Variants in SPTBN1 observed in about 807,000 individuals in gnomAD.
SPTBN1 encodes the protein spectrin beta chain, non-erythrocytic 1.
SPTBN1 carries 32 observed loss-of-function variants against 266.4 expected under a neutral mutation model. The ratio of observed to expected loss-of-function variants is 0.12; its 90% CI spans 0.09 to 0.16. The LOEUF (loss-of-function observed/expected upper bound fraction) is 0.16, where lower values mean the gene tolerates loss of function less well. SPTBN1 is among the 10% of genes least tolerant of loss of function. The pLI, the probability that SPTBN1 is intolerant of heterozygous loss-of-function variation, is 1.00. For missense variants in SPTBN1, 2,296 were observed against 3,067.1 expected, an observed-to-expected ratio of 0.75 and a Z score of 5.94; for synonymous variants, 1,336 against 1,162.2, an observed-to-expected ratio of 1.15 and a Z score of -3.04.
intron 8 of SPTBN1, among the ~76,000 whole-genome samples, 158 bp downstream of exon 8, chr2:54,621,670 A>G (rs1045184964): frequency 1.8e-4 from 28 of 152,136 alleles, no homozygotes; most frequent in Non-Finnish European, 7.3e-5. Context: ...AAGGGTAACA[A>G]GAGGTGGGAG....
intron 1 of SPTBN1, among the ~76,000 whole-genome samples, chr2:54,463,682 A>C (rs2103808315): frequency 6.6e-6 from 1 of 152,314 alleles, no homozygotes; most frequent in East Asian, 1.9e-4. Context: ...TAAAATGTGG[A>C]ATTTTTGCTT....
chr2:54,478,634 G>T (rs556531075), intron 1 of SPTBN1, among the ~76,000 whole-genome samples: 2 of 152,272 alleles, frequency 1.3e-5, no homozygotes, highest in African/African-American at 4.8e-5. Flanking sequence ...ACAGATATGT[G>T]GAAGTACTTG....
intron 2 of SPTBN1, among the ~76,000 whole-genome samples, chr2:54,535,830 G>C (rs1400707592): frequency 6.6e-6 from 1 of 152,150 alleles, no homozygotes; most frequent in Non-Finnish European, 1.5e-5. Context: ...TGGCCAACAT[G>C]GTAAAAACCC....
chr2:54,666,141 C>T (rs1181546135), intron 34 of SPTBN1, 53 bp downstream of exon 34: 2 of 1,543,038 alleles, frequency 1.3e-6, no homozygotes, highest in African/African-American at 1.4e-5. Flanking sequence ...TTTACTTCCA[C>T]TCTGGGGTTT....
rs529927356 is a variant in SPTBN1, at chr2:54,656,771, C to A, written c.6046+773C>A. On this transcript the variant is annotated intron_variant, in intron 29 of 35. Transcript: ENST00000356805. ...TTGGGCCCAGAGCCCTCAGAAATCC[C>A]ACTTTTTGACCATTCTTTGCAGGAG... 3.5e-4 allele frequency among the ~76,000 whole-genome samples: 53 copies of A among 152,308 alleles called. No individual in the cohort carries two copies. In the South Asian group the frequency reaches 0.011, roughly 31 times the overall value.
At position 54,646,621 on chromosome 2, in the gene SPTBN1, G is replaced by A. The variant is rs1679943268; in HGVS notation, c.4866+146G>A. 1.1e-6 allele frequency: 1 copy of A among 936,800 alleles called. No homozygotes were observed. Among genetic ancestry groups the A allele is most frequent in the Non-Finnish European group, 1.5e-6 (1 of 685,086 alleles). The allele number at this position is 936,800 out of a possible 1,614,324, so 58.0% of individuals were successfully genotyped here. A position where few individuals can be genotyped will look rare whatever the true frequency, so the allele number is the denominator to read the frequency against. On this transcript the variant is annotated intron_variant, in intron 23 of 35. Transcript: ENST00000356805. The surrounding 1 kb of genome is among the most constrained non-coding windows in gnomAD (Gnocchi z 4.4). ...GGACACCATGTGCATGAAGGTGTCTGAAATCCAGCTGCTGGTTTCCCTTTG... is the reference window on the plus strand; with the variant it reads ...GGACACCATGTGCATGAAGGTGTCTAAAATCCAGCTGCTGGTTTCCCTTTG...
intron 32 of SPTBN1, chr2:54,662,921 C>T (rs990688197): frequency 2.0e-5 from 3 of 152,200 alleles, no homozygotes; most frequent in African/African-American, 7.2e-5. Flanking sequence ...TCCTAATAAT[C>T]CATTTTCCAC....
At chr2:54,666,416 A>G (rs1174900194) in intron 34 of SPTBN1, among the ~76,000 whole-genome samples, 1 of 152,236 alleles carries the variant, frequency 6.6e-6, no homozygotes, top group African/African-American at 2.4e-5. Flanking sequence ...GCTTTGAAAA[A>G]TAGTTTCCCC....
At chr2:54,655,500 G>T (rs891419271) in intron 28 of SPTBN1, among the ~76,000 whole-genome samples, 1 of 152,202 alleles carries the variant, frequency 6.6e-6, no homozygotes, top group African/African-American at 2.4e-5. Flanking sequence ...CTATGCCCTA[G>T]ATCAGTTTGC....
intron 1 of SPTBN1, among the ~76,000 whole-genome samples, chr2:54,462,063 A>T (rs1693395022): frequency 6.6e-6 from 1 of 152,210 alleles, no homozygotes; most frequent in Admixed American, 6.5e-5. Flanking sequence ...TATGGCTACC[A>T]CTAGGTACTG....
chr2:54,526,683 T>G (rs897521905), intron 2 of SPTBN1, 117 bp downstream of exon 2: 73 of 1,282,272 alleles, frequency 5.7e-5, no homozygotes, highest in Admixed American at 8.8e-5. Context: ...CACTTCTATT[T>G]AAATGTGTCC....
chr2:54,634,250 G>C (rs79439975), intron 17 of SPTBN1, among the ~76,000 whole-genome samples: 9,126 of 152,198 alleles, frequency 0.06, 328 homozygotes, highest in Admixed American at 0.1. Flanking sequence ...CCCCAGTGCT[G>C]CAACTGCACA....
At chr2:54,667,560 C>A in intron 34 of SPTBN1, 44 bp from the exon 35 acceptor site, 2 of 1,589,696 alleles carry the variant, frequency 1.3e-6, no homozygotes, top group Non-Finnish European at 1.7e-6. Context: ...ATTTTTATTT[C>A]TCTGTAATTA....
At chr2:54,579,680 G>A (rs1343164513) in intron 2 of SPTBN1, among the ~76,000 whole-genome samples, 2 of 152,182 alleles carry the variant, frequency 1.3e-5, no homozygotes, top group South Asian at 2.1e-4. Flanking sequence ...TGTAAGTCCC[G>A]AGAACTCCTG....
intron 1 of SPTBN1, among the ~76,000 whole-genome samples, chr2:54,517,599 C>A (rs2104264724): frequency 6.6e-6 from 1 of 150,780 alleles, no homozygotes; most frequent in East Asian, 1.9e-4. Context: ...TCAGGATGAT[C>A]TGATTTTGTG....
At chr2:54,642,759 C>T (rs1000376292) in intron 18 of SPTBN1, among the ~76,000 whole-genome samples, 2 of 152,110 alleles carry the variant, frequency 1.3e-5, no homozygotes, top group Non-Finnish European at 2.9e-5. Context: ...TTTTGTACTT[C>T]TGGAATGAAT....
Position 54,644,600 on chromosome 2 carries a change from C to T in SPTBN1, c.4269+14C>T, listed in dbSNP as rs1471467252. 2 of 1,593,210 alleles carry T rather than the reference C, an allele frequency of 1.3e-6. No homozygotes were observed. Among genetic ancestry groups the T allele is most frequent in the Admixed American group, 1.7e-5 (1 of 59,124 alleles). ...AAAAAGCAACAGGCAAGTGGACAAGCCATCATGGACTTGGGTGTATTTCTG... is the reference window on the plus strand; with the variant it reads ...AAAAAGCAACAGGCAAGTGGACAAGTCATCATGGACTTGGGTGTATTTCTG... On this transcript the variant is annotated intron_variant, in intron 20 of 35. Coordinates refer to ENST00000356805, the MANE Select transcript of SPTBN1 (RefSeq NM_003128.3).
At chr2:54,463,027 G>A (rs1432126105) in intron 1 of SPTBN1, among the ~76,000 whole-genome samples, 1 of 152,184 alleles carries the variant, frequency 6.6e-6, no homozygotes, top group Non-Finnish European at 1.5e-5. Context: ...CATCACCTTG[G>A]CAGTGTTCAG....
intron 1 of SPTBN1, among the ~76,000 whole-genome samples, chr2:54,468,593 G>T (rs921613073): frequency 1.3e-5 from 2 of 152,162 alleles, no homozygotes; most frequent in African/African-American, 2.4e-5. Context: ...GCTGTAGCAT[G>T]AACACTATCT....
Sources: gnomAD v4.1 joint callset for allele counts (sites outside exome capture counted in the v4.1 genomes callset) on GRCh38, gnomAD v4.1.1 for gene constraint, Gnocchi (gnomAD v3.1) non-coding constraint, MANE v1.5 for transcripts, NCBI Gene and HGNC (gene_info 2026-07-23, HGNC 2026-07-21) for gene names.